The following SPDYA variants were observed in gnomAD, a reference collection of about 807,000 sequenced individuals.
SPDYA encodes the protein speedy/RINGO cell cycle regulator family member A.
A neutral mutation model predicts 36.7 loss-of-function variants in SPDYA; 11 were observed. The observed-to-expected ratio is 0.30, with a 90% CI of 0.19 to 0.50. The LOEUF (loss-of-function observed/expected upper bound fraction) is 0.50. Ranked by LOEUF, SPDYA falls within the 20% of genes least tolerant of loss-of-function variation. SPDYA has a pLI of 0.98. For missense variants in SPDYA, 287 were observed against 370.9 expected (o/e 0.77, Z 1.86); for synonymous variants, 115 against 118.7 (o/e 0.97, Z 0.20).
At chr2:28,834,192 T>A (rs933507991) in intron 6 of SPDYA, among the ~76,000 whole-genome samples, 1 of 151,844 alleles carries the variant, frequency 6.6e-6, no homozygotes, top group Admixed American at 6.6e-5. Context: ...TCACACCCAC[T>A]ATGATGGCTA....
In SPDYA at chr2:28,840,470, G is replaced by C. The variant is rs1231212316; in HGVS notation, c.850+1G>C. ...TCTCAAGCTTATACTGGTTCTGAAG[G>C]TATGATTTAGTAATATGCCAGAATT... is the stretch of plus-strand genomic sequence containing the variant. On this transcript the variant is annotated splice_donor_variant, in intron 7 of 7. Transcript: ENST00000334056. LOFTEE classifies it high-confidence loss of function. The C allele has an allele frequency of 6.2e-7, 1 of 1,612,726 alleles. No homozygotes were observed. The highest frequency in any genetic ancestry group is 1.3e-5 in the African/African-American group (1 of 74,890).
intron 4 of SPDYA, 36 bp from the exon 5 acceptor site, chr2:28,822,289 A>C: frequency 9.7e-7 from 1 of 1,035,106 alleles, no homozygotes; most frequent in South Asian, 1.8e-5. Flanking sequence ...ATGAAAGCAA[A>C]ACATTAATAT....
At position 28,817,193 on chromosome 2, in the gene SPDYA, C is replaced by CT. The variant is rs980465561; in HGVS notation, c.235+950dup. ...GCAGAACAAAATTATTACCTGCAAACTTTTTTAGTACCCAAAACTCATCAT... is the reference window on the plus strand; with the variant it reads ...GCAGAACAAAATTATTACCTGCAAACTTTTTTTAGTACCCAAAACTCATCAT... On this transcript the variant is annotated intron_variant, in intron 3 of 7. Coordinates refer to ENST00000334056, the MANE Select transcript of SPDYA (RefSeq NM_182756.4). 3.9e-4 allele frequency among the ~76,000 whole-genome samples: 60 copies of CT among 152,172 alleles called. 1 individual carries two copies. Among genetic ancestry groups the CT allele is most frequent in the Non-Finnish European group, 7.3e-5 (5 of 68,030 alleles).
intron 7 of SPDYA, among the ~76,000 whole-genome samples, chr2:28,843,546 G>A (rs1382992491): frequency 4.4e-4 from 49 of 112,564 alleles, no homozygotes; most frequent in Admixed American, 1.7e-3. Context: ...GCAAAACTTC[G>A]TCTCAAAAAA....
chr2:28,818,820 G>A (rs935661436), intron 3 of SPDYA, among the ~76,000 whole-genome samples: 1 of 152,174 alleles, frequency 6.6e-6, no homozygotes, highest in Non-Finnish European at 1.5e-5. Flanking sequence ...TGAGCCATAT[G>A]TTAAGGCAAA....
chr2:28,826,824 C>T (rs1041759524), intron 5 of SPDYA, among the ~76,000 whole-genome samples: 2 of 151,502 alleles, frequency 1.3e-5, no homozygotes, highest in African/African-American at 4.8e-5. Context: ...CCATGTTGCC[C>T]AGGCTGGGTT....
At chr2:28,812,435 C>A (rs1338968171) in intron 1 of SPDYA, among the ~76,000 whole-genome samples, 1 of 150,414 alleles carries the variant, frequency 6.6e-6, no homozygotes, top group Non-Finnish European at 1.5e-5. Flanking sequence ...ATTTCAGATG[C>A]CTCTAGAATT....
At chr2:28,843,795 T>A (rs868851949) in intron 7 of SPDYA, among the ~76,000 whole-genome samples, 2 of 152,110 alleles carry the variant, frequency 1.3e-5, no homozygotes, top group African/African-American at 4.8e-5. Context: ...AGAAACAAGA[T>A]GGGAACCCAG....
chr2:28,830,188 C>G (rs1668445039), intron 6 of SPDYA, among the ~76,000 whole-genome samples: 1 of 141,878 alleles, frequency 7.0e-6, no homozygotes. Context: ...CAGCCTACTT[C>G]TATAGTAAGT....
chr2:28,840,930 GTTTT>G (rs70956054), intron 7 of SPDYA: 28 of 114,618 alleles, frequency 2.4e-4, no homozygotes, highest in Non-Finnish European at 4.4e-4. Context: ...TCCAAAACCA[GTTTT>G]TTTTTTTTTT....
rs749528161 is a variant in SPDYA at position 28,849,946 on chromosome 2, G to A, written c.*5G>A. The A allele has an allele frequency of 1.5e-5, 24 of 1,574,486 alleles. No homozygotes were observed. The highest frequency in any genetic ancestry group is 1.7e-5 in the Non-Finnish European group (20 of 1,161,666). On this transcript the variant is annotated 3_prime_UTR_variant, in exon 8 of 8. Transcript: ENST00000334056. ...TTTACAGGAAGTGAAGAATGAGATG[G>A]CCCAACTAAACCAATTTGGAATCAT...
chr2:28,820,532 G>A (rs1310783582), intron 4 of SPDYA, among the ~76,000 whole-genome samples: 1 of 152,066 alleles, frequency 6.6e-6, no homozygotes, highest in Non-Finnish European at 1.5e-5. Flanking sequence ...GTTGCAGTGA[G>A]CCGAGACCGA....
Position 28,810,923 on chromosome 2 carries a change from C to G in SPDYA, c.-117C>G, listed in dbSNP as rs1039525242. On this transcript the variant is annotated 5_prime_UTR_variant, in exon 1 of 8. Transcript: ENST00000334056. ...CTTGACCGCCGTTGCCCGGCCCTCT[C>G]CCGCGCAGCCCCGGGCTTCCGCAGG... 6.6e-6 allele frequency: 1 copy of G among 152,318 alleles called. No individual in the cohort carries two copies. The highest frequency in any genetic ancestry group is 2.4e-5 in the African/African-American group (1 of 41,468). The allele number at this position is 152,318 out of a possible 1,614,324, so 9.4% of individuals were successfully genotyped here.
At chr2:28,812,462 C>CA (rs1054159644) in intron 1 of SPDYA, among the ~76,000 whole-genome samples, 117 of 112,820 alleles carry the variant, frequency 1.0e-3, no homozygotes, top group East Asian at 5.2e-3. Flanking sequence ...ATTTACTTAC[C>CA]AAAAAAAAAA....
intron 2 of SPDYA, among the ~76,000 whole-genome samples, 181 bp from the exon 3 acceptor site, chr2:28,815,816 A>G (rs1205714098): frequency 1.3e-5 from 2 of 152,226 alleles, no homozygotes; most frequent in Non-Finnish European, 2.9e-5. Context: ...CAAAAGAAGC[A>G]TAGCTTTTCC....
intron 6 of SPDYA, among the ~76,000 whole-genome samples, chr2:28,833,104 G>A (rs928197267): frequency 6.6e-6 from 1 of 152,076 alleles, no homozygotes; most frequent in Admixed American, 6.5e-5. Flanking sequence ...CCAAAGTGCT[G>A]GGATTGCAGG....
At chr2:28,840,571 C>T (rs1459294659) in intron 7 of SPDYA, 102 bp downstream of exon 7, 4 of 1,469,686 alleles carry the variant, frequency 2.7e-6, no homozygotes, top group Non-Finnish European at 2.7e-6. Context: ...TATACTCCAA[C>T]AATATGAGTT....
chr2:28,839,414 A>G (rs948920634), intron 6 of SPDYA, among the ~76,000 whole-genome samples: 2 of 152,168 alleles, frequency 1.3e-5, no homozygotes, highest in African/African-American at 4.8e-5. Flanking sequence ...TAACTTACCT[A>G]TGTTCTTATT....
chr2:28,817,168 G>A lies in SPDYA; in HGVS notation c.235+919G>A, dbSNP rs565217764. Among the ~76,000 whole-genome samples, 3 of 152,306 alleles carry A rather than the reference G, an allele frequency of 2.0e-5. No individual in the cohort carries two copies. The South Asian group carries it at 6.2e-4, about 32-fold the overall frequency. ...AAAGTTCCCCTTCTTTTCATTAAGA[G>A]CAGAACAAAATTATTACCTGCAAAC... is the stretch of plus-strand genomic sequence containing the variant. On this transcript the variant is annotated intron_variant, in intron 3 of 7. Transcript: ENST00000334056.
Sources: gnomAD v4.1 joint callset for allele counts (sites outside exome capture counted in the v4.1 genomes callset) on GRCh38, gnomAD v4.1.1 for gene constraint, MANE v1.5 for transcripts, NCBI Gene and HGNC (gene_info 2026-07-23, HGNC 2026-07-21) for gene names.